The following PAPOLA variants were observed in gnomAD, a reference collection of about 807,000 sequenced individuals.
PAPOLA encodes the protein polynucleotide adenylyltransferase alpha.
Under a neutral mutation model 100.6 loss-of-function variants are expected in PAPOLA, and 15 were observed. The observed-to-expected ratio is 0.15, with a 90% CI of 0.10 to 0.23. The LOEUF (loss-of-function observed/expected upper bound fraction) is 0.23. PAPOLA is among the 10% of genes least tolerant of loss of function. The pLI, the probability that PAPOLA is intolerant of heterozygous loss-of-function variation, is 1.00. For synonymous variants in PAPOLA, 293 were observed against 300.0 expected (o/e 0.98, Z 0.24); for missense variants, 533 against 884.2 (o/e 0.60, Z 5.04).
Position 96,536,984 on chromosome 14 carries a change from A to G in PAPOLA, c.1039A>G (p.Ile347Val). 1 of 1,588,444 alleles carries G rather than the reference A, an allele frequency of 6.3e-7. No individual in the cohort carries two copies. The highest frequency in any genetic ancestry group is 8.6e-7 in the Non-Finnish European group (1 of 1,156,892). Residue 347 changes from isoleucine (I) to valine (V), a missense_variant, in exon 12 of 22, where the codon ATC becomes GTC. By Grantham distance (29) the Ile-to-Val change is conservative. This residue lies in a region of PAPOLA where 87 missense variants were observed against 173.3 expected (regional missense o/e 0.50). Coordinates refer to ENST00000216277, the MANE Select transcript of PAPOLA (RefSeq NM_032632.5). Reference protein sequence around the residue: ...MVEEFKQGLAITDEILLSKAE... With the variant: ...MVEEFKQGLAVTDEILLSKAE... Reference sequence around the variant, plus strand: ...ATATGTTTTTAATTTAGGTCTTGCTATCACAGATGAAATTTTGCTGAGTAA... The same window carrying G: ...ATATGTTTTTAATTTAGGTCTTGCTGTCACAGATGAAATTTTGCTGAGTAA...
chr14:96,548,656 G>A (rs1344256547), intron 16 of PAPOLA, among the ~76,000 whole-genome samples: 2 of 152,136 alleles, frequency 1.3e-5, no homozygotes, highest in Non-Finnish European at 2.9e-5. Flanking sequence ...GCACATGTAT[G>A]TATGTATCAC....
intron 19 of PAPOLA, among the ~76,000 whole-genome samples, chr14:96,559,352 A>G (rs1055240943): frequency 2.0e-5 from 3 of 152,004 alleles, no homozygotes; most frequent in South Asian, 4.1e-4. Flanking sequence ...TAGAAATTTT[A>G]GCAAAGCAGA....
intron 14 of PAPOLA, 149 bp downstream of exon 14, chr14:96,543,042 G>A (rs1900119526): frequency 1.3e-6 from 1 of 792,340 alleles, no homozygotes; most frequent in South Asian, 1.8e-5. Context: ...AGTTTTTCCT[G>A]ATCAGAAACA....
At chr14:96,544,551 C>T (rs949631317) in intron 15 of PAPOLA, among the ~76,000 whole-genome samples, 9 of 152,078 alleles carry the variant, frequency 5.9e-5, no homozygotes, top group Admixed American at 1.3e-4. Context: ...GTGAGCATTT[C>T]CTTTAAGTAT....
chr14:96,503,312 A>G (rs1746175369), intron 1 of PAPOLA, among the ~76,000 whole-genome samples: 1 of 152,014 alleles, frequency 6.6e-6, no homozygotes, highest in South Asian at 2.1e-4. Context: ...TGGGGTAACC[A>G]GGTTTCATTC....
Position 96,534,580 on chromosome 14 carries a change from T to A in PAPOLA, c.909+17T>A. On this transcript the variant is annotated intron_variant, in intron 10 of 21. Coordinates refer to ENST00000216277, the MANE Select transcript of PAPOLA (RefSeq NM_032632.5). ...GACCCAAGGGTTAGTGTATTATTTT[T>A]TCCCCTACCAATTCACACTGTGCAA... The A allele has an allele frequency of 1.2e-6, 2 of 1,613,900 alleles. No homozygotes were observed. Among genetic ancestry groups the A allele is most frequent in the Non-Finnish European group, 1.7e-6 (2 of 1,179,882 alleles).
chr14:96,549,085 C>A (rs1365295455), intron 16 of PAPOLA, among the ~76,000 whole-genome samples: 2 of 152,062 alleles, frequency 1.3e-5, no homozygotes, highest in African/African-American at 4.8e-5. Context: ...TGAGCCAATA[C>A]ATAAATACAT....
Position 96,532,041 on chromosome 14 carries a change from A to G in PAPOLA, c.608-290A>G. The G allele has an allele frequency of 2.4e-6, 3 of 1,262,538 alleles. No individual in the cohort carries two copies. In the South Asian group the frequency reaches 6.8e-5, roughly 29 times the overall value. The allele number at this position is 1,262,538 out of a possible 1,614,324, so 78.2% of individuals were successfully genotyped here. On this transcript the variant is annotated intron_variant, in intron 7 of 21. Coordinates refer to ENST00000216277, the MANE Select transcript of PAPOLA (RefSeq NM_032632.5). ...TAAGTCTTCCGCAGTATATGTGGGA[A>G]GTTTTAATTGTGAATCTGAAGTTCA...
At chr14:96,548,869 A>G (rs1167497978) in intron 16 of PAPOLA, among the ~76,000 whole-genome samples, 1 of 152,220 alleles carries the variant, frequency 6.6e-6, no homozygotes, top group African/African-American at 2.4e-5. Context: ...GTTTCTTAAA[A>G]CAATATATTA....
At chr14:96,522,421 T>C (rs1384466886) in intron 3 of PAPOLA, among the ~76,000 whole-genome samples, 1 of 149,304 alleles carries the variant, frequency 6.7e-6, no homozygotes. Context: ...TCTGTCCTCT[T>C]TTTTTTTTTG....
intron 3 of PAPOLA, among the ~76,000 whole-genome samples, chr14:96,523,627 C>T (rs976927927): frequency 6.6e-6 from 1 of 152,138 alleles, no homozygotes; most frequent in Non-Finnish European, 1.5e-5. Context: ...CATAGGAAGA[C>T]AAAGGCTTTG....
rs1899153046 is a variant in PAPOLA, at chr14:96,532,819, T to G, written c.836+170T>G. ...TATAAAATGGCAAACTGAAACTATT[T>G]TTTTTCCCTAGTTTGGCCAGGATAG... On this transcript the variant is annotated intron_variant, in intron 9 of 21. Transcript: ENST00000216277. 5 of 1,341,032 alleles carry G rather than the reference T, an allele frequency of 3.7e-6. No homozygotes were observed. The East Asian group carries it at 1.4e-4, about 38-fold the overall frequency. 83.1% of individuals were successfully genotyped at this position (1,341,032 alleles called of 1,614,324 possible).
At chr14:96,515,322 T>A (rs1342775288) in intron 1 of PAPOLA, among the ~76,000 whole-genome samples, 1 of 151,560 alleles carries the variant, frequency 6.6e-6, no homozygotes, top group Non-Finnish European at 1.5e-5. Flanking sequence ...AGGGGAGGAG[T>A]GTTTGGCTGT....
intron 6 of PAPOLA, among the ~76,000 whole-genome samples, chr14:96,530,740 A>G (rs183569355): frequency 4.2e-4 from 64 of 152,272 alleles, no homozygotes; most frequent in African/African-American, 1.3e-3. Flanking sequence ...ACGAAATAAT[A>G]TAGTTTGGAC....
intron 12 of PAPOLA, among the ~76,000 whole-genome samples, chr14:96,539,000 T>C (rs1419869851): frequency 1.3e-5 from 2 of 152,084 alleles, no homozygotes; most frequent in Non-Finnish European, 2.9e-5. Context: ...TGCAAACTAA[T>C]CATCTTCCAG....
At chr14:96,541,138 T>A (rs374811223) in intron 12 of PAPOLA, among the ~76,000 whole-genome samples, 2 of 152,198 alleles carry the variant, frequency 1.3e-5, no homozygotes, top group African/African-American at 2.4e-5. Flanking sequence ...TCCGCCCGCC[T>A]CGGCCTCACA....
intron 4 of PAPOLA, 27 bp from the exon 5 acceptor site, chr14:96,527,403 G>A: frequency 3.0e-6 from 4 of 1,313,360 alleles, no homozygotes; most frequent in Non-Finnish European, 4.4e-6. Context: ...ATATTAATTA[G>A]TGGTTGATGG....
At position 96,552,628 on chromosome 14, in the gene PAPOLA, GA is replaced by G. The variant is rs753860586; in HGVS notation, c.1664+11del. ...AGTTCTGGCAGCTCTCAGGGGTAAGGAAAAAGAGGGAAATAGAAGTGGAGGG... is the reference window on the plus strand; with the variant it reads ...AGTTCTGGCAGCTCTCAGGGGTAAGGAAAAGAGGGAAATAGAAGTGGAGGG... On this transcript the variant is annotated splice_region_variant and intron_variant, in intron 17 of 21. Transcript: ENST00000216277. The G allele has an allele frequency of 6.5e-5, 105 of 1,607,462 alleles. No individual in the cohort carries two copies. In the Middle Eastern group the frequency reaches 2.5e-3, roughly 38 times the overall value.
chr14:96,549,563 A>G (rs542264414), intron 16 of PAPOLA, among the ~76,000 whole-genome samples: 1 of 152,216 alleles, frequency 6.6e-6, no homozygotes, highest in South Asian at 2.1e-4. Context: ...TTTTCTTCTT[A>G]ACCTAATGGT....
Sources: allele counts gnomAD v4.1 joint callset (sites outside exome capture counted in the v4.1 genomes callset), GRCh38; gene constraint gnomAD v4.1.1; regional missense constraint gnomAD v4.1.1; transcripts MANE v1.5; gene names NCBI Gene and HGNC (gene_info 2026-07-23, HGNC 2026-07-21).